ANKS1B: variants seen among roughly 807,000 people sequenced by gnomAD.
ANKS1B encodes ankyrin repeat and sterile alpha motif domain containing 1B.
A neutral mutation model predicts 148.3 loss-of-function variants in ANKS1B; 36 were observed. The observed-to-expected ratio is 0.24, with a 90% CI of 0.19 to 0.32. The LOEUF is 0.32. ANKS1B is among the 10% of genes least tolerant of loss of function. ANKS1B has a pLI of 1.00. For synonymous variants in ANKS1B, 542 were observed against 560.8 expected (o/e 0.97, Z 0.47); for missense variants, 1,157 against 1,542.6 (o/e 0.75, Z 4.19).
At chr12:99,542,441 A>G (rs1391787914) in intron 9 of ANKS1B, among the ~76,000 whole-genome samples, 1 of 152,170 alleles carries the variant, frequency 6.6e-6, no homozygotes, top group Non-Finnish European at 1.5e-5. Flanking sequence ...TTGCATGGTC[A>G]TGGGTTAGAA....
chr12:98,772,969 A>G, intron 25 of ANKS1B, 73 bp downstream of exon 25: 1 of 1,537,358 alleles, frequency 6.5e-7, no homozygotes, highest in Non-Finnish European at 8.9e-7. Flanking sequence ...TGTTAATTAT[A>G]AGTTGGGCTT....
intron 1 of ANKS1B, among the ~76,000 whole-genome samples, chr12:99,860,968 A>C (rs77621964): frequency 0.024 from 3,631 of 152,306 alleles, 146 homozygotes; most frequent in African/African-American, 0.082. Flanking sequence ...TTAGTACATA[A>C]ACTCAGGAAA....
intron 17 of ANKS1B, among the ~76,000 whole-genome samples, chr12:99,037,902 G>A (rs372351686): frequency 1.4e-4 from 21 of 152,136 alleles, no homozygotes; most frequent in Non-Finnish European, 2.6e-4. Context: ...GTCAAGTGCC[G>A]TGACAAATAG....
chr12:99,344,518 C>T (rs1242915895), intron 12 of ANKS1B, among the ~76,000 whole-genome samples: 1 of 152,002 alleles, frequency 6.6e-6, no homozygotes, highest in Non-Finnish European at 1.5e-5. Context: ...TTTGTAAGAA[C>T]ATCAGGTTCT....
At chr12:99,318,953 TG>T (rs2084698995) in intron 12 of ANKS1B, among the ~76,000 whole-genome samples, 1 of 152,180 alleles carries the variant, frequency 6.6e-6, no homozygotes, top group African/African-American at 2.4e-5. Context: ...AGGAGCAGGT[TG>T]TTCAGTTTCC....
At chr12:99,861,713 C>T (rs1376445624) in intron 1 of ANKS1B, among the ~76,000 whole-genome samples, 5 of 152,028 alleles carry the variant, frequency 3.3e-5, no homozygotes, top group Admixed American at 3.3e-4. Flanking sequence ...TAAATCTGTT[C>T]GCATGCAAAC....
At chr12:99,111,596 C>T (rs2060303479) in intron 15 of ANKS1B, among the ~76,000 whole-genome samples, 1 of 150,998 alleles carries the variant, frequency 6.6e-6, no homozygotes, top group Non-Finnish European at 1.5e-5. Flanking sequence ...AGTGCTGAAC[C>T]CCAGTGTGTG....
chr12:99,554,025 A>G (rs1209854971), intron 9 of ANKS1B, among the ~76,000 whole-genome samples: 1 of 152,172 alleles, frequency 6.6e-6, no homozygotes, highest in Non-Finnish European at 1.5e-5. Context: ...AACCATGTAG[A>G]GAAAAACTGC....
At chr12:99,014,703 T>C (rs2099941366) in intron 17 of ANKS1B, among the ~76,000 whole-genome samples, 1 of 152,072 alleles carries the variant, frequency 6.6e-6, no homozygotes, top group Non-Finnish European at 1.5e-5. Flanking sequence ...CCATAAAAAG[T>C]GGGCAAAGGA....
At chr12:99,143,808 C>T (rs1162001320) in intron 15 of ANKS1B, among the ~76,000 whole-genome samples, 3 of 152,016 alleles carry the variant, frequency 2.0e-5, no homozygotes, top group Non-Finnish European at 4.4e-5. Flanking sequence ...CTTGTTGATA[C>T]TCCTCTGAAT....
At chr12:99,616,749 A>T (rs774916788) in intron 9 of ANKS1B, among the ~76,000 whole-genome samples, 1 of 152,212 alleles carries the variant, frequency 6.6e-6, no homozygotes, top group Non-Finnish European at 1.5e-5. Flanking sequence ...TTCATGACTA[A>T]AACACCAGAA....
chr12:99,492,807 T>G (rs1438164648), intron 10 of ANKS1B, among the ~76,000 whole-genome samples: 2 of 152,200 alleles, frequency 1.3e-5, no homozygotes, highest in African/African-American at 4.8e-5. Context: ...AACACATGAT[T>G]ATCTCAATAG....
rs80035548 is a variant in ANKS1B at position 99,886,451 on chromosome 12, C to G, written c.135-61062G>C. 6.6e-5 allele frequency among the ~76,000 whole-genome samples: 10 copies of G among 152,232 alleles called. No homozygotes were observed. In the South Asian group the frequency reaches 2.1e-3, roughly 32 times the overall value. On this transcript the variant is annotated intron_variant, in intron 1 of 26. Coordinates refer to ENST00000683438, the MANE Select transcript of ANKS1B (RefSeq NM_001352186.2). ...TTTCCTATTGTGTAATTAATTCTTT[C>G]TTAATATCTTTACCTTTCTCACTAT...
At chr12:98,892,386 TAAC>T (rs2099754469) in intron 17 of ANKS1B, among the ~76,000 whole-genome samples, 1 of 152,198 alleles carries the variant, frequency 6.6e-6, no homozygotes, top group African/African-American at 2.4e-5. Flanking sequence ...AATAGAATAA[TAAC>T]ATCATAAACG....
At chr12:99,048,232 C>A (rs1469104946) in intron 17 of ANKS1B, among the ~76,000 whole-genome samples, 2 of 152,128 alleles carry the variant, frequency 1.3e-5, no homozygotes, top group Non-Finnish European at 1.5e-5. Flanking sequence ...CAGATGTCCA[C>A]TAAAATAAAA....
At chr12:99,595,332 C>T (rs918892793) in intron 9 of ANKS1B, among the ~76,000 whole-genome samples, 1 of 151,716 alleles carries the variant, frequency 6.6e-6, no homozygotes, top group Non-Finnish European at 1.5e-5. Flanking sequence ...GCAATAGATG[C>T]TAATATTTGG....
At chr12:98,997,719 T>C (rs2099930561) in intron 17 of ANKS1B, among the ~76,000 whole-genome samples, 1 of 152,172 alleles carries the variant, frequency 6.6e-6, no homozygotes, top group African/African-American at 2.4e-5. Context: ...AACATTTAAC[T>C]GGAATAGTAA....
At chr12:99,776,440 G>A (rs754020166) in intron 6 of ANKS1B, among the ~76,000 whole-genome samples, 2 of 152,142 alleles carry the variant, frequency 1.3e-5, no homozygotes, top group Non-Finnish European at 2.9e-5. Context: ...TGTTCATTCA[G>A]CTAATAGGTG....
intron 1 of ANKS1B, among the ~76,000 whole-genome samples, chr12:99,942,380 A>G (rs1041104987): frequency 6.6e-6 from 1 of 152,166 alleles, no homozygotes; most frequent in Non-Finnish European, 1.5e-5. Context: ...CAGCAGAGTG[A>G]TAAGGGAAAA....
Sources: gnomAD v4.1 joint callset for allele counts (sites outside exome capture counted in the v4.1 genomes callset) on GRCh38, gnomAD v4.1.1 for gene constraint, MANE v1.5 for transcripts, NCBI Gene and HGNC (gene_info 2026-07-23, HGNC 2026-07-21) for gene names.